DISC1: variants seen among roughly 807,000 people sequenced by gnomAD.
DISC1 encodes DISC1 scaffold protein, also known as disrupted in schizophrenia 1 protein.
In DISC1, 57 loss-of-function variants were observed where a neutral mutation model predicts 84.5. The ratio of observed to expected loss-of-function variants is 0.67; its 90% CI spans 0.55 to 0.84. The LOEUF is 0.84. Among genes scored for constraint, DISC1 ranks in the 40% least tolerant of loss-of-function variants. The pLI, the probability that DISC1 is intolerant of heterozygous loss-of-function variation, is 0.00. For missense variants in DISC1, 1,000 were observed against 1,057.8 expected (o/e 0.95, Z 0.76); for synonymous variants, 411 against 415.2 (o/e 0.99, Z 0.12).
intron 10 of DISC1, among the ~76,000 whole-genome samples, chr1:232,004,391 G>A (rs144916236): frequency 1.4e-3 from 211 of 151,432 alleles, no homozygotes; most frequent in African/African-American, 4.8e-3. Context: ...GGAGATCTAC[G>A]AACAAGTAAT....
At chr1:231,760,406 A>C (rs2075553091) in intron 4 of DISC1, among the ~76,000 whole-genome samples, 1 of 152,094 alleles carries the variant, frequency 6.6e-6, no homozygotes, top group Admixed American at 6.6e-5. Flanking sequence ...ATATGACATA[A>C]ATTTGATAGG....
chr1:231,772,574 C>T (rs1174258850), intron 6 of DISC1, among the ~76,000 whole-genome samples: 2 of 152,110 alleles, frequency 1.3e-5, no homozygotes, highest in Admixed American at 1.3e-4. Flanking sequence ...TAATTTCTAC[C>T]TTATAGAGCT....
intron 3 of DISC1, among the ~76,000 whole-genome samples, chr1:231,742,642 A>G (rs2073444927): frequency 1.3e-5 from 2 of 152,140 alleles, no homozygotes; most frequent in East Asian, 3.9e-4. Flanking sequence ...GCCTGGTGGC[A>G]CATACCTGTA....
chr1:231,773,855 G>A (rs987657886), intron 6 of DISC1, among the ~76,000 whole-genome samples: 1 of 152,152 alleles, frequency 6.6e-6, no homozygotes, highest in Admixed American at 6.5e-5. Flanking sequence ...GATTACAGAG[G>A]TCAGGTCAAG....
intron 9 of DISC1, among the ~76,000 whole-genome samples, chr1:231,899,752 G>A (rs12139471): frequency 2.0e-4 from 30 of 152,080 alleles, no homozygotes; most frequent in African/African-American, 2.9e-4. Flanking sequence ...GTTTTCTGGC[G>A]AGTCTGTCGT....
At chr1:231,665,086 TA>T (rs1429401166) in intron 1 of DISC1, among the ~76,000 whole-genome samples, 6 of 152,060 alleles carry the variant, frequency 3.9e-5, no homozygotes, top group African/African-American at 7.2e-5. Context: ...AGAAACAACA[TA>T]AAAAATGCAG....
intron 9 of DISC1, among the ~76,000 whole-genome samples, chr1:231,823,824 G>A (rs1330094447): frequency 1.3e-5 from 2 of 152,136 alleles, no homozygotes; most frequent in African/African-American, 2.4e-5. Flanking sequence ...CAAAGCAGGA[G>A]GGACTGTGCA....
rs1198940932 is a variant in DISC1, at chr1:231,698,876, G to C, written c.1048-3079G>C. Among the ~76,000 whole-genome samples, 2 of 152,282 alleles carry C rather than the reference G, an allele frequency of 1.3e-5. No individual in the cohort carries two copies. The highest frequency in any genetic ancestry group is 2.9e-5 in the Non-Finnish European group (2 of 68,008). The stretch of plus-strand genomic sequence containing the variant: ...TAATATAGAACAATTCAAAGACAAA[G>C]GGGTTAATATGATTATTCATTCATT... On this transcript the variant is annotated intron_variant, in intron 2 of 12. Coordinates refer to ENST00000439617, the MANE Select transcript of DISC1 (RefSeq NM_018662.3). The surrounding 1 kb of genome is among the most constrained non-coding windows in gnomAD (Gnocchi z 4.9).
intron 9 of DISC1, among the ~76,000 whole-genome samples, chr1:231,822,711 A>G (rs2125782485): frequency 6.6e-6 from 1 of 152,290 alleles, no homozygotes; most frequent in African/African-American, 2.4e-5. Flanking sequence ...AGAAAAGGGA[A>G]TTCTTTGGCT....
chr1:232,004,955 T>TCCCTCTTC (rs1341171604), intron 10 of DISC1, among the ~76,000 whole-genome samples: 3 of 131,254 alleles, frequency 2.3e-5, no homozygotes, highest in Admixed American at 7.6e-5. Flanking sequence ...TTTCCTTCCT[T>TCCCTCTTC]CCTTCCTTCC....
At chr1:231,999,462 G>A (rs1666376896) in intron 10 of DISC1, among the ~76,000 whole-genome samples, 1 of 152,126 alleles carries the variant, frequency 6.6e-6, no homozygotes, top group Non-Finnish European at 1.5e-5. Context: ...CTAACAATAA[G>A]CAGCCAGGGG....
intron 9 of DISC1, among the ~76,000 whole-genome samples, chr1:231,922,329 T>C (rs1423996812): frequency 6.6e-6 from 1 of 152,252 alleles, no homozygotes; most frequent in Non-Finnish European, 1.5e-5. Context: ...CAATAGTTGC[T>C]AACACGTATG....
At chr1:231,655,108 T>TA (rs907146091) in intron 1 of DISC1, among the ~76,000 whole-genome samples, 4 of 152,218 alleles carry the variant, frequency 2.6e-5, no homozygotes, top group African/African-American at 7.2e-5. Context: ...ATTCTTTTTT[T>TA]AAAAAAGTAT....
intron 6 of DISC1, among the ~76,000 whole-genome samples, chr1:231,787,433 C>A: frequency 6.6e-6 from 1 of 151,454 alleles, no homozygotes; most frequent in Non-Finnish European, 1.5e-5. Flanking sequence ...CTAGAGAGAG[C>A]GCTGGAGAGA....
intron 12 of DISC1, among the ~76,000 whole-genome samples, chr1:232,035,527 A>T (rs1240641574): frequency 6.6e-6 from 1 of 152,192 alleles, no homozygotes; most frequent in Non-Finnish European, 1.5e-5. Context: ...TTGACATTGC[A>T]CTTTGGGAAA....
At chr1:231,649,749 G>A (rs1382785686) in intron 1 of DISC1, among the ~76,000 whole-genome samples, 2 of 152,106 alleles carry the variant, frequency 1.3e-5, no homozygotes, top group East Asian at 3.9e-4. Context: ...TCCTGTGTTG[G>A]GTGCATATAT....
At chr1:231,691,912 A>C (rs1255544004) in intron 1 of DISC1, among the ~76,000 whole-genome samples, 1 of 152,112 alleles carries the variant, frequency 6.6e-6, no homozygotes, top group Non-Finnish European at 1.5e-5. Context: ...CCTTCTGTAC[A>C]TCTCATCACA....
intron 5 of DISC1, 125 bp from the exon 6 acceptor site, chr1:231,770,709 CT>C: frequency 6.7e-7 from 1 of 1,497,706 alleles, no homozygotes; most frequent in African/African-American, 1.4e-5. Flanking sequence ...ATCTGCCTGC[CT>C]CAGAAGGGGA....
At chr1:231,763,650 G>C (rs1056950076) in intron 4 of DISC1, among the ~76,000 whole-genome samples, 3 of 152,172 alleles carry the variant, frequency 2.0e-5, no homozygotes, top group African/African-American at 7.2e-5. Flanking sequence ...TGGTTGGTTG[G>C]TTCACTTATT....
Sources: gnomAD v4.1 joint callset for allele counts (sites outside exome capture counted in the v4.1 genomes callset) on GRCh38, gnomAD v4.1.1 for gene constraint, Gnocchi (gnomAD v3.1) non-coding constraint, MANE v1.5 for transcripts, NCBI Gene and HGNC (gene_info 2026-07-23, HGNC 2026-07-21) for gene names.